Variants in DAB2IP observed in about 807,000 individuals in gnomAD.
The protein encoded by DAB2IP is DAB2 interacting protein.
In DAB2IP, 28 loss-of-function variants were observed where a neutral mutation model predicts 107.2. The ratio of observed to expected loss-of-function variants is 0.26; its 90% CI spans 0.19 to 0.36. The LOEUF (loss-of-function observed/expected upper bound fraction) is 0.36, where lower values mean the gene tolerates loss of function less well. DAB2IP is among the 10% of genes least tolerant of loss of function. The pLI, the probability that DAB2IP is intolerant of heterozygous loss-of-function variation, is 1.00. For synonymous variants in DAB2IP, 755 were observed against 706.4 expected, an observed-to-expected ratio of 1.07 and a Z score of -1.09; for missense variants, 1,400 against 1,644.7, an observed-to-expected ratio of 0.85 and a Z score of 2.57.
At chr9:121,627,811 G>T (rs1000848839) in intron 1 of DAB2IP, among the ~76,000 whole-genome samples, 2 of 152,184 alleles carry the variant, frequency 1.3e-5, no homozygotes, top group South Asian at 4.1e-4. Context: ...GTCATGTATC[G>T]TTCTGCAACT....
At chr9:121,767,481 A>G (rs1026526750) in intron 9 of DAB2IP, among the ~76,000 whole-genome samples, 18 of 152,186 alleles carry the variant, frequency 1.2e-4, no homozygotes, top group Admixed American at 3.9e-4. Flanking sequence ...TGATCCCCCA[A>G]CTGCATGTCA....
chr9:121,724,401 T>C (rs1265376950), intron 3 of DAB2IP, among the ~76,000 whole-genome samples: 1 of 152,092 alleles, frequency 6.6e-6, no homozygotes, highest in Non-Finnish European at 1.5e-5. Context: ...GCTGCCCCAC[T>C]TCATTCAAGT....
intron 3 of DAB2IP, among the ~76,000 whole-genome samples, chr9:121,707,967 T>C (rs1283838494): frequency 2.0e-5 from 3 of 152,200 alleles, no homozygotes; most frequent in Non-Finnish European, 2.9e-5. Context: ...CCTACTCTTG[T>C]ACTAGAAACC....
chr9:121,687,572 C>T (rs2118668897), intron 2 of DAB2IP, among the ~76,000 whole-genome samples: 1 of 152,330 alleles, frequency 6.6e-6, no homozygotes, highest in Admixed American at 6.5e-5. Flanking sequence ...CTCCAAGTCC[C>T]ACTGGCCTGG....
chr9:121,705,461 T>C (rs527517958), intron 3 of DAB2IP, among the ~76,000 whole-genome samples: 30 of 152,358 alleles, frequency 2.0e-4, no homozygotes, highest in Admixed American at 1.1e-3. Flanking sequence ...ATTCAATCTA[T>C]GTGTTCAGGT....
intron 1 of DAB2IP, among the ~76,000 whole-genome samples, chr9:121,667,419 G>A (rs530448297): frequency 1.6e-3 from 245 of 152,254 alleles, no homozygotes; most frequent in African/African-American, 5.7e-3. Flanking sequence ...CCACGTGGGA[G>A]CTATGTTTCC....
chr9:121,609,171 C>A, intron 1 of DAB2IP, among the ~76,000 whole-genome samples: 2 of 152,132 alleles, frequency 1.3e-5, no homozygotes, highest in East Asian at 3.9e-4. Context: ...TCTTGAACTC[C>A]CGACCTCAGG....
At chr9:121,658,520 G>A (rs1833063434) in intron 1 of DAB2IP, among the ~76,000 whole-genome samples, 1 of 152,180 alleles carries the variant, frequency 6.6e-6, no homozygotes, top group African/African-American at 2.4e-5. Flanking sequence ...CGATTCAGTA[G>A]AGGCATTTCA....
chr9:121,584,353 T>C (rs78981278), intron 1 of DAB2IP, among the ~76,000 whole-genome samples: 8,274 of 151,624 alleles, frequency 0.055, 295 homozygotes, highest in Middle Eastern at 0.11. Context: ...CAGTGAATTA[T>C]AATGTGATCA....
At chr9:121,578,775 C>G (rs941094428) in intron 1 of DAB2IP, among the ~76,000 whole-genome samples, 2 of 130,736 alleles carry the variant, frequency 1.5e-5, no homozygotes, top group African/African-American at 6.2e-5. Flanking sequence ...AAGTCTTGCT[C>G]TGTCACCCAG....
At chr9:121,661,002 G>T (rs1309201192) in intron 1 of DAB2IP, among the ~76,000 whole-genome samples, 3 of 152,142 alleles carry the variant, frequency 2.0e-5, no homozygotes, top group Admixed American at 6.5e-5. Flanking sequence ...ACAGCGAGAG[G>T]AGTGGGAGCT....
intron 1 of DAB2IP, among the ~76,000 whole-genome samples, chr9:121,588,480 G>A (rs1011646937): frequency 4.7e-5 from 7 of 149,428 alleles, no homozygotes; most frequent in African/African-American, 1.7e-4. Context: ...ATGCATAGGA[G>A]ATCCATCAAG....
At position 121,782,583 on chromosome 9, in the gene DAB2IP, G is replaced by A. The variant is rs1236123970; in HGVS notation, c.*85G>A. On this transcript the variant is annotated 3_prime_UTR_variant, in exon 16 of 16. Coordinates refer to ENST00000408936, the Ensembl canonical transcript of DAB2IP. This position sits in a 1 kb window ranked among gnomAD's most constrained non-coding sequence, Gnocchi z 6.1. ...GGTCTCGGCCTGGGGAGGCACCCACGGTTGCAGCCCCAGCGCGGGTGTCAG... is the reference window on the plus strand; with the variant it reads ...GGTCTCGGCCTGGGGAGGCACCCACAGTTGCAGCCCCAGCGCGGGTGTCAG... The A allele has an allele frequency of 5.8e-6, 9 of 1,557,428 alleles. No individual in the cohort carries two copies. Among genetic ancestry groups the A allele is most frequent in the African/African-American group, 1.4e-5 (1 of 73,932 alleles).
exon 6 of DAB2IP, chr9:121,759,974 G>A (rs767563097): frequency 1.2e-6 from 2 of 1,614,212 alleles, no homozygotes; most frequent in South Asian, 2.2e-5. Flanking sequence ...TGTGCGAGCT[G>A]TGCCTGGACG....
At chr9:121,588,515 TGGAAG>T (rs1286875098) in intron 1 of DAB2IP, among the ~76,000 whole-genome samples, 8 of 104,938 alleles carry the variant, frequency 7.6e-5, no homozygotes, top group African/African-American at 2.5e-4. Context: ...TCAACACCTG[TGGAAG>T]GGAAGGGAAG....
chr9:121,574,733 C>T (rs1830018000), intron 1 of DAB2IP, among the ~76,000 whole-genome samples: 1 of 152,152 alleles, frequency 6.6e-6, no homozygotes, highest in Admixed American at 6.5e-5. Flanking sequence ...CACCACCCCA[C>T]TGGGTCTCCT....
intron 2 of DAB2IP, among the ~76,000 whole-genome samples, chr9:121,683,493 GA>G (rs962326741): frequency 4.6e-5 from 7 of 152,230 alleles, no homozygotes; most frequent in African/African-American, 1.7e-4. Flanking sequence ...TCCTCCTCGG[GA>G]AGTTGAAAGT....
intron 3 of DAB2IP, among the ~76,000 whole-genome samples, chr9:121,703,886 T>A (rs1188491620): frequency 6.6e-6 from 1 of 152,128 alleles, no homozygotes; most frequent in Non-Finnish European, 1.5e-5. Flanking sequence ...GTAAGGTGAT[T>A]CGAGCTTAAG....
In DAB2IP at chr9:121,759,001, GC is replaced by G. The variant is rs1833688733; in HGVS notation, c.615+7del. On this transcript the variant is annotated splice_donor_region_variant and intron_variant, in intron 5 of 15. Coordinates refer to ENST00000408936, the Ensembl canonical transcript of DAB2IP. ...CGAGCGGTGCATCCCAACAAGGTAA[GC>G]CTGCGCCCCTCTCACCAAAGCATGG... 3 of 1,609,378 alleles carry G rather than the reference GC, an allele frequency of 1.9e-6. No individual in the cohort carries two copies. Among genetic ancestry groups the G allele is most frequent in the Middle Eastern group, 1.7e-4 (1 of 6,050 alleles).
Sources: allele counts gnomAD v4.1 joint callset (sites outside exome capture counted in the v4.1 genomes callset), GRCh38; gene constraint gnomAD v4.1.1; non-coding constraint Gnocchi (gnomAD v3.1); transcripts MANE v1.5; gene names NCBI Gene and HGNC (gene_info 2026-07-23, HGNC 2026-07-21).